The following PCDHA3 variants were observed in gnomAD, a reference collection of about 807,000 sequenced individuals.
The protein encoded by PCDHA3 is protocadherin alpha-3.
Under a neutral mutation model 62.2 loss-of-function variants are expected in PCDHA3, and 41 were observed. The ratio of observed to expected loss-of-function variants is 0.66; its 90% CI spans 0.51 to 0.86. The LOEUF (loss-of-function observed/expected upper bound fraction) is 0.86, where lower values mean the gene tolerates loss of function less well. Among genes scored for constraint, PCDHA3 ranks in the 40% least tolerant of loss-of-function variants. The pLI, the probability that PCDHA3 is intolerant of heterozygous loss-of-function variation, is 0.00. For synonymous variants in PCDHA3, 640 were observed against 555.4 expected (o/e 1.15, Z -2.14); for missense variants, 1,304 against 1,241.2 (o/e 1.05, Z -0.76).
At chr5:140,938,055 T>C (rs1475337267) in intron 1 of PCDHA3, among the ~76,000 whole-genome samples, 1 of 152,232 alleles carries the variant, frequency 6.6e-6, no homozygotes, top group African/African-American at 2.4e-5. Flanking sequence ...TTTCTACATA[T>C]ACTGTCATGC....
At chr5:140,936,768 G>C (rs1554211177) in intron 1 of PCDHA3, among the ~76,000 whole-genome samples, 2 of 152,042 alleles carry the variant, frequency 1.3e-5, no homozygotes, top group African/African-American at 4.8e-5. Flanking sequence ...AATTGTGTAA[G>C]TTCTCTCACT....
chr5:140,860,328 C>G (rs971322066), intron 1 of PCDHA3: 8 of 151,880 alleles, frequency 5.3e-5, no homozygotes, highest in Non-Finnish European at 1.0e-4. Context: ...CTGCAGTGAC[C>G]CATGATTGTG....
chr5:140,834,530 G>C, intron 1 of PCDHA3: 1 of 1,614,068 alleles, frequency 6.2e-7, no homozygotes, highest in East Asian at 2.2e-5. Context: ...GCCGCATCGC[G>C]CAGGACCTGG....
chr5:140,822,389 A>G, intron 1 of PCDHA3: 1 of 1,614,136 alleles, frequency 6.2e-7, no homozygotes, highest in South Asian at 1.1e-5. Context: ...GAAGAAACAC[A>G]AGAACACCGT....
intron 1 of PCDHA3, among the ~76,000 whole-genome samples, chr5:140,904,937 A>C (rs2071485651): frequency 6.6e-6 from 1 of 152,190 alleles, no homozygotes; most frequent in Non-Finnish European, 1.5e-5. Flanking sequence ...GGTTCTGGAT[A>C]TTAGTCCTTT....
intron 1 of PCDHA3, among the ~76,000 whole-genome samples, chr5:140,950,973 T>C (rs1381300164): frequency 3.3e-5 from 5 of 152,244 alleles, no homozygotes; most frequent in Middle Eastern, 3.4e-3. Flanking sequence ...TTCAGATTCA[T>C]TGACTTTTGC....
At chr5:140,828,190 C>T in intron 1 of PCDHA3, 1 of 1,614,112 alleles carries the variant, frequency 6.2e-7, no homozygotes, top group Admixed American at 1.7e-5. Flanking sequence ...AGCTCCACTA[C>T]TCCGTACCCG....
chr5:140,887,052 G>A (rs1187906559), intron 1 of PCDHA3, among the ~76,000 whole-genome samples: 1 of 151,228 alleles, frequency 6.6e-6, no homozygotes, highest in Non-Finnish European at 1.5e-5. Flanking sequence ...TAGTGCATAT[G>A]TTCTGGCAAC....
intron 1 of PCDHA3, chr5:140,806,980 G>T: frequency 3.1e-6 from 2 of 635,126 alleles, no homozygotes; most frequent in Non-Finnish European, 5.4e-6. Context: ...CTTACGGTTT[G>T]GAGCCACATG....
At chr5:140,862,583 A>C in intron 1 of PCDHA3, 1 of 494,044 alleles carries the variant, frequency 2.0e-6, no homozygotes, top group South Asian at 1.6e-5. Flanking sequence ...GCGTTCCAGC[A>C]GCCCGAGTAC....
At position 140,848,511 on chromosome 5, in the gene PCDHA3, C is replaced by A. The variant is rs1554142145; in HGVS notation, c.2394+44920C>A. On this transcript the variant is annotated intron_variant, in intron 1 of 3. Transcript: ENST00000522353. ...AGTATTTGAAATGTTATACTCAAGT[C>A]GAGGAGATCCAGAGGGTCAGCCTCT... is the stretch of plus-strand genomic sequence containing the variant. 3 of 1,589,608 alleles carry A rather than the reference C, an allele frequency of 1.9e-6. No individual in the cohort carries two copies. The Admixed American group carries it at 5.1e-5, about 27-fold the overall frequency.
At chr5:140,829,351 C>T in intron 1 of PCDHA3, 1 of 1,614,246 alleles carries the variant, frequency 6.2e-7, no homozygotes, top group South Asian at 1.1e-5. Flanking sequence ...GCGTGTCGGC[C>T]TATGAGTTGG....
intron 1 of PCDHA3, among the ~76,000 whole-genome samples, chr5:140,906,323 A>G (rs1487570044): frequency 1.3e-5 from 2 of 152,212 alleles, no homozygotes; most frequent in Non-Finnish European, 2.9e-5. Context: ...AACATGATAC[A>G]ACTATCCTTC....
At chr5:140,829,564 C>T (rs2150170116) in intron 1 of PCDHA3, 39 of 1,612,548 alleles carry the variant, frequency 2.4e-5, no homozygotes, top group Non-Finnish European at 8.5e-6. Context: ...CGCTGGTGTC[C>T]TACTCGCTGG....
intron 1 of PCDHA3, chr5:140,882,820 C>G (rs782663593): frequency 1.2e-6 from 2 of 1,614,102 alleles, no homozygotes; most frequent in African/African-American, 2.7e-5. Flanking sequence ...ACGCACAAAA[C>G]AGTCTTGAGC....
intron 1 of PCDHA3, among the ~76,000 whole-genome samples, chr5:140,898,250 A>T (rs2066615127): frequency 6.6e-6 from 1 of 152,210 alleles, no homozygotes; most frequent in South Asian, 2.1e-4. Flanking sequence ...TGTTTTAGAC[A>T]TGAAGTCCTT....
chr5:140,824,252 A>G (rs2150133638), intron 1 of PCDHA3: 1 of 1,373,244 alleles, frequency 7.3e-7, no homozygotes, highest in South Asian at 1.3e-5. Context: ...GTACACAATT[A>G]TTGCACTAAT....
intron 1 of PCDHA3, chr5:140,870,144 T>C (rs782683134): frequency 1.9e-6 from 3 of 1,614,058 alleles, no homozygotes; most frequent in Admixed American, 1.7e-5. Flanking sequence ...ATAACTCTCC[T>C]GAAGTCGCCG....
chr5:140,877,341 C>G, intron 1 of PCDHA3: 3 of 1,614,010 alleles, frequency 1.9e-6, no homozygotes, highest in South Asian at 2.2e-5. Flanking sequence ...TCCCGTTCCA[C>G]GTGGGGCTGT....
Sources: allele counts gnomAD v4.1 joint callset (sites outside exome capture counted in the v4.1 genomes callset), GRCh38; gene constraint gnomAD v4.1.1; transcripts MANE v1.5; gene names NCBI Gene and HGNC (gene_info 2026-07-23, HGNC 2026-07-21).